Variants in SMAD3 observed in about 807,000 individuals in gnomAD.
SMAD3 encodes the protein MAD homolog 3.
Under a neutral mutation model 51.8 loss-of-function variants are expected in SMAD3, and 12 were observed. The ratio of observed to expected loss-of-function variants is 0.23; its 90% CI spans 0.15 to 0.38. The LOEUF (loss-of-function observed/expected upper bound fraction) is 0.38, where lower values mean the gene tolerates loss of function less well. Among genes scored for constraint, SMAD3 ranks in the 10% least tolerant of loss-of-function variants. The probability of loss-of-function intolerance (pLI) is 1.00; values close to 1 mark genes in which losing one functional copy is unlikely to be tolerated. For synonymous variants in SMAD3, 238 were observed against 227.7 expected (o/e 1.05, Z -0.41); for missense variants, 294 against 565.6 (o/e 0.52, Z 4.87).
At chr15:67,182,779 G>A (rs1458733633) in intron 6 of SMAD3, among the ~76,000 whole-genome samples, 3 of 151,356 alleles carry the variant, frequency 2.0e-5, no homozygotes, top group South Asian at 4.2e-4. Context: ...TTCCCATTTC[G>A]CTTTTTGTTT....
intron 1 of SMAD3, among the ~76,000 whole-genome samples, chr15:67,073,248 A>G (rs915452952): frequency 2.6e-5 from 4 of 152,238 alleles, no homozygotes; most frequent in African/African-American, 9.6e-5. Flanking sequence ...GAAATAAACA[A>G]ATCTATAGCA....
In SMAD3 at chr15:67,144,529, T is replaced by G. The variant is rs558188487; in HGVS notation, c.207-20366T>G. ...ATTAATGATTTAATGAGTTAAATAG[T>G]GATTTAACTATATAAATATAGTTTG... On this transcript the variant is annotated intron_variant, in intron 1 of 8. Coordinates refer to ENST00000327367, the MANE Select transcript of SMAD3 (RefSeq NM_005902.4). 6.8e-4 allele frequency among the ~76,000 whole-genome samples: 103 copies of G among 152,324 alleles called. 1 individual carries two copies. The highest frequency in any genetic ancestry group is 2.4e-3 in the African/African-American group (101 of 41,580).
At position 67,066,084 on chromosome 15, in the gene SMAD3, G is replaced by A. The variant is rs1268406839; in HGVS notation, c.-71G>A. 8.2e-7 allele frequency: 1 copy of A among 1,225,328 alleles called. No homozygotes were observed. The highest frequency in any genetic ancestry group is 2.4e-5 in the Admixed American group (1 of 41,086). 75.9% of individuals were successfully genotyped at this position (1,225,328 alleles called of 1,614,324 possible). A position where few individuals can be genotyped will look rare whatever the true frequency, so the allele number is the denominator to read the frequency against. On this transcript the variant is annotated 5_prime_UTR_variant, in exon 1 of 9. Transcript: ENST00000327367. ...GCAGGCCCCGGCCGAGCTCCCCTCT[G>A]CGCCCCCGGCGTCCCGTCGAGCCCA...
intron 1 of SMAD3, among the ~76,000 whole-genome samples, chr15:67,071,411 G>T (rs1311205872): frequency 6.6e-6 from 1 of 152,178 alleles, no homozygotes; most frequent in Non-Finnish European, 1.5e-5. Context: ...TTTTCTCTTT[G>T]AAGTAAAAAG....
intron 1 of SMAD3, among the ~76,000 whole-genome samples, chr15:67,149,710 T>C (rs371156680): frequency 2.6e-5 from 4 of 152,320 alleles, no homozygotes; most frequent in African/African-American, 9.6e-5. Context: ...GGAATGCTAA[T>C]TGGCCACTTA....
chr15:67,097,258 C>A (rs1960634442), intron 1 of SMAD3, among the ~76,000 whole-genome samples: 1 of 152,092 alleles, frequency 6.6e-6, no homozygotes, highest in African/African-American at 2.4e-5. Flanking sequence ...CTCCACCACT[C>A]AGGCTGGAAG....
intron 1 of SMAD3, chr15:67,099,009 A>T (rs1408390895): frequency 1.4e-6 from 1 of 702,034 alleles, no homozygotes; most frequent in Non-Finnish European, 2.6e-6. Flanking sequence ...GTATGTCCTG[A>T]GCGAGGATCA....
intron 1 of SMAD3, among the ~76,000 whole-genome samples, chr15:67,108,491 A>C (rs564825694): frequency 2.6e-5 from 4 of 152,302 alleles, no homozygotes; most frequent in African/African-American, 7.2e-5. Flanking sequence ...GATCTCCAGG[A>C]AGCAGCCTTC....
At chr15:67,132,329 A>G (rs1474045637) in intron 1 of SMAD3, among the ~76,000 whole-genome samples, 2 of 152,098 alleles carry the variant, frequency 1.3e-5, no homozygotes, top group Non-Finnish European at 2.9e-5. Flanking sequence ...GGACAACCTC[A>G]CTGTTTTGCC....
intron 1 of SMAD3, among the ~76,000 whole-genome samples, chr15:67,136,623 A>C (rs1488606601): frequency 6.6e-6 from 1 of 152,256 alleles, no homozygotes; most frequent in East Asian, 1.9e-4. Flanking sequence ...GAGCCACTGC[A>C]CCCGGCCCAG....
chr15:67,132,742 GTA>G (rs1483573990), intron 1 of SMAD3, among the ~76,000 whole-genome samples: 3 of 152,180 alleles, frequency 2.0e-5, no homozygotes, highest in African/African-American at 7.2e-5. Context: ...TTGCTTAACT[GTA>G]CTGAATACTG....
chr15:67,165,228 C>T (rs770619524), intron 2 of SMAD3, 25 bp from the exon 3 acceptor site: 25 of 1,614,072 alleles, frequency 1.5e-5, no homozygotes, highest in Non-Finnish European at 1.9e-5. Flanking sequence ...CACTGAGCCA[C>T]CTCTGCTCTG....
At chr15:67,069,775 T>C (rs1960010907) in intron 1 of SMAD3, among the ~76,000 whole-genome samples, 1 of 152,124 alleles carries the variant, frequency 6.6e-6, no homozygotes, top group Admixed American at 6.5e-5. Context: ...GGCATGATCT[T>C]AGCTCACTGC....
At position 67,187,671 on chromosome 15, in the gene SMAD3, G is replaced by A. The variant is rs545197645; in HGVS notation, c.1154+162G>A. ...CAAGGCCTGGCAGGCAGGAGGGGCC[G>A]GGCCAACAGCAGATGATGAGGAATT... On this transcript the variant is annotated intron_variant, in intron 8 of 8. Coordinates refer to ENST00000327367, the MANE Select transcript of SMAD3 (RefSeq NM_005902.4). Among the ~76,000 whole-genome samples, 29 of 152,338 alleles carry A rather than the reference G, an allele frequency of 1.9e-4. No individual in the cohort carries two copies. The South Asian group carries it at 4.6e-3, about 24-fold the overall frequency.
At chr15:67,184,887 C>A in intron 7 of SMAD3, 23 bp downstream of exon 7, 1 of 1,612,248 alleles carries the variant, frequency 6.2e-7, no homozygotes, top group South Asian at 1.1e-5. Flanking sequence ...CACAGGCACC[C>A]CTGCCTTGAG....
In SMAD3 at chr15:67,191,695, A is replaced by G. The variant is rs1002378365; in HGVS notation, c.*1159A>G. Reference sequence around the variant, plus strand: ...TCTGCAAGCTGAAATTTACAGAAGCAAATTCACCAGAAGGGAAACATCTCA... The same window carrying G: ...TCTGCAAGCTGAAATTTACAGAAGCGAATTCACCAGAAGGGAAACATCTCA... On this transcript the variant is annotated 3_prime_UTR_variant, in exon 9 of 9. Transcript: ENST00000327367. 2 of 231,724 alleles carry G rather than the reference A, an allele frequency of 8.6e-6. No individual in the cohort carries two copies. Among genetic ancestry groups the G allele is most frequent in the Non-Finnish European group, 1.7e-5 (2 of 117,094 alleles). 14.4% of individuals were successfully genotyped at this position (231,724 alleles called of 1,614,324 possible).
intron 1 of SMAD3, among the ~76,000 whole-genome samples, chr15:67,094,849 A>T (rs1566966130): frequency 6.6e-6 from 1 of 152,168 alleles, no homozygotes; most frequent in Non-Finnish European, 1.5e-5. Context: ...CATTAAATGC[A>T]CTTGAGTTTT....
Position 67,097,512 on chromosome 15 carries a change from C to T in SMAD3, c.206+31152C>T, listed in dbSNP as rs1023344628. 5.9e-5 allele frequency among the ~76,000 whole-genome samples: 9 copies of T among 152,018 alleles called. 1 individual carries two copies. Among genetic ancestry groups the T allele is most frequent in the East Asian group, 3.9e-4 (2 of 5,188 alleles). ...TGCCTGCCTCAGCCTCCCAAAGTGC[C>T]GGGATTACAGGTGTGAGCCACTGCG... is the stretch of plus-strand genomic sequence containing the variant. On this transcript the variant is annotated intron_variant, in intron 1 of 8. Transcript: ENST00000327367.
intron 1 of SMAD3, among the ~76,000 whole-genome samples, chr15:67,113,292 G>A (rs1354146506): frequency 1.3e-5 from 2 of 148,962 alleles, no homozygotes; most frequent in South Asian, 2.2e-4. Context: ...AGGTTTCACC[G>A]TGTTAGCCAG....
Sources: gnomAD v4.1 joint callset for allele counts (sites outside exome capture counted in the v4.1 genomes callset) on GRCh38, gnomAD v4.1.1 for gene constraint, MANE v1.5 for transcripts, NCBI Gene and HGNC (gene_info 2026-07-23, HGNC 2026-07-21) for gene names.